Variants in MAGI2 observed in about 807,000 individuals in gnomAD.
MAGI2 encodes membrane associated guanylate kinase, WW and PDZ domain containing 2, also known as membrane-associated guanylate kinase, WW and PDZ domain-containing protein 2.
A neutral mutation model predicts 133.3 loss-of-function variants in MAGI2; 35 were observed. The observed-to-expected ratio is 0.26, with a 90% CI of 0.20 to 0.35. The LOEUF (loss-of-function observed/expected upper bound fraction) is 0.35, where lower values mean the gene tolerates loss of function less well. MAGI2 is among the 10% of genes least tolerant of loss of function. The pLI, the probability that MAGI2 is intolerant of heterozygous loss-of-function variation, is 1.00. For synonymous variants in MAGI2, 729 were observed against 710.6 expected (o/e 1.03, Z -0.41); for missense variants, 1,636 against 1,863.4 (o/e 0.88, Z 2.25).
At chr7:78,176,839 C>G (rs528940791) in intron 14 of MAGI2, among the ~76,000 whole-genome samples, 119 of 151,268 alleles carry the variant, frequency 7.9e-4, no homozygotes, top group African/African-American at 2.8e-3. Context: ...CAGGACAAGA[C>G]TCTGTCTCAG....
intron 13 of MAGI2, among the ~76,000 whole-genome samples, chr7:78,180,014 G>A (rs1827042284): frequency 6.6e-6 from 1 of 152,186 alleles, no homozygotes; most frequent in South Asian, 2.1e-4. Context: ...GGAGATCGGA[G>A]ATGACAGATA....
intron 2 of MAGI2, among the ~76,000 whole-genome samples, chr7:78,958,660 T>G (rs944673856): frequency 2.6e-5 from 4 of 152,126 alleles, no homozygotes; most frequent in Admixed American, 6.6e-5. Flanking sequence ...GGTTCATGTG[T>G]GTCAGAGTGG....
chr7:78,391,106 G>A (rs13227396), intron 6 of MAGI2, among the ~76,000 whole-genome samples: 24,685 of 152,072 alleles, frequency 0.16, 2,157 homozygotes, highest in South Asian at 0.22. Flanking sequence ...CAGCCATTAC[G>A]TATCCAGCCT....
At chr7:78,529,281 T>C (rs1035164954) in intron 3 of MAGI2, among the ~76,000 whole-genome samples, 4 of 152,206 alleles carry the variant, frequency 2.6e-5, no homozygotes, top group South Asian at 4.1e-4. Context: ...CTAAATGTAA[T>C]TGTCCACAGA....
intron 10 of MAGI2, among the ~76,000 whole-genome samples, chr7:78,215,755 T>A (rs1175968201): frequency 6.6e-6 from 1 of 152,222 alleles, no homozygotes; most frequent in Non-Finnish European, 1.5e-5. Flanking sequence ...TTTGCCACTC[T>A]GTTTTAAAGT....
At chr7:78,461,599 TGAA>T (rs1248932948) in intron 6 of MAGI2, among the ~76,000 whole-genome samples, 1 of 151,966 alleles carries the variant, frequency 6.6e-6, no homozygotes, top group East Asian at 1.9e-4. Context: ...AAAATTTCAC[TGAA>T]GAGAAGTGAT....
At chr7:78,026,760 C>T (rs996385275) in intron 21 of MAGI2, among the ~76,000 whole-genome samples, 2 of 152,216 alleles carry the variant, frequency 1.3e-5, no homozygotes, top group East Asian at 1.9e-4. Flanking sequence ...TGGGTGTTTC[C>T]GAAAGCCATG....
intron 1 of MAGI2, among the ~76,000 whole-genome samples, chr7:79,147,375 C>T (rs1690283791): frequency 6.6e-6 from 1 of 152,142 alleles, no homozygotes; most frequent in Admixed American, 6.5e-5. Context: ...TTTCTTTTCC[C>T]ACAAGTCATG....
At chr7:78,654,389 AC>A (rs1811907550) in intron 2 of MAGI2, among the ~76,000 whole-genome samples, 1 of 152,184 alleles carries the variant, frequency 6.6e-6, no homozygotes, top group African/African-American at 2.4e-5. Context: ...ATATATCAGC[AC>A]CTCCCAACCT....
chr7:78,271,751 T>C (rs1794601347), intron 9 of MAGI2, among the ~76,000 whole-genome samples: 1 of 152,240 alleles, frequency 6.6e-6, no homozygotes, highest in Non-Finnish European at 1.5e-5. Context: ...TAGAGGTGTT[T>C]ATACTATTCT....
chr7:79,227,654 G>C (rs944803203), intron 1 of MAGI2, among the ~76,000 whole-genome samples: 1 of 152,088 alleles, frequency 6.6e-6, no homozygotes, highest in Non-Finnish European at 1.5e-5. Context: ...TTTTTAGTGA[G>C]AGTAAACATA....
At chr7:78,659,733 A>G (rs1477134328) in intron 2 of MAGI2, among the ~76,000 whole-genome samples, 1 of 152,154 alleles carries the variant, frequency 6.6e-6, no homozygotes, top group Non-Finnish European at 1.5e-5. Context: ...GCCAAGGTCA[A>G]TATCTTGGTT....
At chr7:78,470,694 A>G (rs960108799) in intron 6 of MAGI2, among the ~76,000 whole-genome samples, 1 of 152,128 alleles carries the variant, frequency 6.6e-6, no homozygotes, top group African/African-American at 2.4e-5. Context: ...CACTAAAATT[A>G]TTGCTTCCAC....
chr7:78,678,840 T>C (rs939605602), intron 2 of MAGI2, among the ~76,000 whole-genome samples: 1 of 152,118 alleles, frequency 6.6e-6, no homozygotes. Flanking sequence ...TTGTCTCTTG[T>C]TTTATTTTTG....
At chr7:78,189,654 G>A (rs1014413227) in intron 12 of MAGI2, among the ~76,000 whole-genome samples, 1 of 152,162 alleles carries the variant, frequency 6.6e-6, no homozygotes, top group African/African-American at 2.4e-5. Context: ...AATTCAACTT[G>A]GGTTTAAACC....
At chr7:78,797,030 C>A (rs371987191) in intron 2 of MAGI2, among the ~76,000 whole-genome samples, 14 of 152,138 alleles carry the variant, frequency 9.2e-5, no homozygotes, top group African/African-American at 3.1e-4. Flanking sequence ...TACAAAAATA[C>A]AGTTAGATAG....
chr7:78,028,698 T>C (rs1383851721), intron 21 of MAGI2, among the ~76,000 whole-genome samples: 1 of 151,600 alleles, frequency 6.6e-6, no homozygotes, highest in Admixed American at 6.6e-5. Context: ...CTACTAAAAA[T>C]ACAAAAATTA....
intron 2 of MAGI2, among the ~76,000 whole-genome samples, chr7:78,651,529 G>T (rs532107635): frequency 6.6e-6 from 1 of 151,996 alleles, no homozygotes; most frequent in East Asian, 1.9e-4. Flanking sequence ...ATGAAGTAGA[G>T]AACTCATAAA....
chr7:78,963,143 G>T (rs1802998593), intron 2 of MAGI2, among the ~76,000 whole-genome samples: 1 of 151,998 alleles, frequency 6.6e-6, no homozygotes, highest in Non-Finnish European at 1.5e-5. Context: ...CTTGAACATG[G>T]CCACACTTAC....
Sources: allele counts gnomAD v4.1 joint callset (sites outside exome capture counted in the v4.1 genomes callset), GRCh38; gene constraint gnomAD v4.1.1; transcripts MANE v1.5; gene names NCBI Gene and HGNC (gene_info 2026-07-23, HGNC 2026-07-21).